Variants in FLT3 observed in about 807,000 individuals in gnomAD.
The protein encoded by FLT3 is fms related receptor tyrosine kinase 3.
In FLT3, 46 loss-of-function variants were observed where a neutral mutation model predicts 126.6. The observed-to-expected ratio is 0.36, with a 90% CI of 0.29 to 0.46. The LOEUF (loss-of-function observed/expected upper bound fraction) is 0.46. FLT3 is among the 20% of genes least tolerant of loss of function. FLT3 has a pLI of 1.00. For synonymous variants in FLT3, 404 were observed against 434.4 expected, an observed-to-expected ratio of 0.93 and a Z score of 0.87; for missense variants, 1,069 against 1,190.3, an observed-to-expected ratio of 0.90 and a Z score of 1.50.
intron 15 of FLT3, among the ~76,000 whole-genome samples, chr13:28,030,704 TA>T (rs894537587): frequency 4.9e-4 from 75 of 151,870 alleles, no homozygotes; most frequent in South Asian, 1.9e-3. Flanking sequence ...TGTCTCTACT[TA>T]AAAATAAAAT....
At chr13:28,048,157 A>G (rs1875071695) in intron 9 of FLT3, 118 bp downstream of exon 9, 1 of 744,838 alleles carries the variant, frequency 1.3e-6, no homozygotes, top group Non-Finnish European at 2.3e-6. Context: ...TTTCAACTCA[A>G]TAATAGTTAA....
chr13:28,056,589 G>A (rs1391939059), intron 4 of FLT3, among the ~76,000 whole-genome samples: 1 of 152,138 alleles, frequency 6.6e-6, no homozygotes, highest in African/African-American at 2.4e-5. Flanking sequence ...ACAAGGAGAA[G>A]CCAGAAAGCA....
At chr13:28,026,710 G>A (rs1872835680) in intron 17 of FLT3, among the ~76,000 whole-genome samples, 1 of 152,204 alleles carries the variant, frequency 6.6e-6, no homozygotes, top group Admixed American at 6.5e-5. Context: ...AATAGTCCCA[G>A]GACCCGAGCT....
intron 2 of FLT3, among the ~76,000 whole-genome samples, chr13:28,069,617 A>G (rs1179615836): frequency 6.6e-6 from 1 of 152,148 alleles, no homozygotes; most frequent in Non-Finnish European, 1.5e-5. Context: ...TGGGTTCCGC[A>G]TCCATGGATA....
rs1372018623 is a variant in FLT3 at position 28,050,084 on chromosome 13, T to C, written c.742+11A>G. On this transcript the variant is annotated intron_variant, in intron 6 of 23. Coordinates refer to ENST00000241453, the MANE Select transcript of FLT3 (RefSeq NM_004119.3). ...CACTGAAAATGAAAGTGCATGATAT[T>C]ATAGTGTTACCTATTGTGAACAGCC... is the stretch of plus-strand genomic sequence containing the variant. 1.2e-5 allele frequency: 19 copies of C among 1,613,802 alleles called. No homozygotes were observed. The highest frequency in any genetic ancestry group is 4.5e-5 in the East Asian group (2 of 44,872).
chr13:28,064,100 C>T (rs1876804294), intron 2 of FLT3, among the ~76,000 whole-genome samples: 1 of 151,936 alleles, frequency 6.6e-6, no homozygotes, highest in African/African-American at 2.4e-5. Flanking sequence ...AGCAAGACCC[C>T]GTCCCAAAAC....
chr13:28,042,116 A>T (rs923896019), intron 9 of FLT3, among the ~76,000 whole-genome samples: 10 of 150,358 alleles, frequency 6.7e-5, no homozygotes, highest in Non-Finnish European at 1.0e-4. Flanking sequence ...ATTGCACTCC[A>T]GCATGGGTGA....
chr13:28,098,567 T>C (rs1484770715), intron 1 of FLT3, among the ~76,000 whole-genome samples: 3 of 152,176 alleles, frequency 2.0e-5, no homozygotes, highest in Non-Finnish European at 4.4e-5. Context: ...TGACGGTATC[T>C]ACCAAACCTG....
chr13:28,052,754 C>G, intron 4 of FLT3, 80 bp from the exon 5 acceptor site: 1 of 1,031,800 alleles, frequency 9.7e-7, no homozygotes, highest in Non-Finnish European at 1.4e-6. Flanking sequence ...GATTCTATGT[C>G]ATTATGAAAA....
At chr13:28,067,878 C>T in intron 2 of FLT3, 1 of 391,750 alleles carries the variant, frequency 2.6e-6, no homozygotes, top group South Asian at 2.4e-5. Flanking sequence ...CAGGGTGGGA[C>T]ATGGCAAATA....
chr13:28,019,360 G>A (rs1227208138), intron 19 of FLT3, among the ~76,000 whole-genome samples: 1 of 152,158 alleles, frequency 6.6e-6, no homozygotes, highest in African/African-American at 2.4e-5. Flanking sequence ...AAATGAGTTT[G>A]GAGAGGTTTA....
rs143419998 is a variant in FLT3 at position 28,011,818 on chromosome 13, G to A, written c.2859+2634C>T. Among the ~76,000 whole-genome samples the A allele has an allele frequency of 5.0e-3, 716 of 142,514 alleles. 18 individuals carry two copies. In the East Asian group the frequency reaches 0.093, roughly 19 times the overall value. The allele number at this position is 142,514 out of a possible 152,430, so 93.5% of individuals were successfully genotyped here. ...CTTTTTCTTTCTTTTTCTTTTTTGA[G>A]ATAGAGTCTCACTGTGTCACCCAGG... On this transcript the variant is annotated intron_variant, in intron 23 of 23. Coordinates refer to ENST00000241453, the MANE Select transcript of FLT3 (RefSeq NM_004119.3).
chr13:28,024,421 C>T (rs760771722), intron 18 of FLT3, among the ~76,000 whole-genome samples: 4 of 152,184 alleles, frequency 2.6e-5, no homozygotes, highest in Admixed American at 6.5e-5. Flanking sequence ...TGAGCCACCA[C>T]GGCCAGCCCC....
intron 1 of FLT3, among the ~76,000 whole-genome samples, chr13:28,090,977 G>T (rs576381157): frequency 6.6e-6 from 1 of 152,036 alleles, no homozygotes; most frequent in South Asian, 2.1e-4. Context: ...TACTGGGATG[G>T]GGGTGGGGGT....
chr13:28,061,468 A>G lies in FLT3; in HGVS notation c.368+399T>C, dbSNP rs543487747. 2.0e-5 allele frequency among the ~76,000 whole-genome samples: 3 copies of G among 152,306 alleles called. No homozygotes were observed. The East Asian group carries it at 5.8e-4, about 29-fold the overall frequency. On this transcript the variant is annotated intron_variant, in intron 3 of 23. Transcript: ENST00000241453. ...CATTATTTCACTGAAGATAAGAGTT[A>G]CAAAAAACAGGCCGAGGCCAGGCGC...
intron 23 of FLT3, among the ~76,000 whole-genome samples, chr13:28,007,603 A>G (rs1022791593): frequency 1.3e-5 from 2 of 152,140 alleles, no homozygotes; most frequent in Non-Finnish European, 2.9e-5. Context: ...ATATTTGTAT[A>G]CTTTGTTGAT....
intron 5 of FLT3, 140 bp from the exon 6 acceptor site, chr13:28,050,362 C>T: frequency 1.3e-6 from 1 of 751,474 alleles, no homozygotes; most frequent in Non-Finnish European, 2.1e-6. Flanking sequence ...AAGCCCATAT[C>T]TATGGTTTCA....
rs1870613725 is a variant in FLT3 at position 28,003,426 on chromosome 13, CTGT to C, written c.*623_*625del. The C allele has an allele frequency of 4.3e-6, 1 of 234,032 alleles. No individual in the cohort carries two copies. Among genetic ancestry groups the C allele is most frequent in the East Asian group, 6.0e-5 (1 of 16,576 alleles). The allele number at this position is 234,032 out of a possible 1,614,324, so 14.5% of individuals were successfully genotyped here. A position where few individuals can be genotyped will look rare whatever the true frequency, so the allele number is the denominator to read the frequency against. ...TTATAAACTTCCCCCAATACAACCCCTGTTGTTGCAGAAATCTTAGGCTGTGAC... is the reference window on the plus strand; with the variant it reads ...TTATAAACTTCCCCCAATACAACCCCTGTTGCAGAAATCTTAGGCTGTGAC... On this transcript the variant is annotated 3_prime_UTR_variant, in exon 24 of 24. Coordinates refer to ENST00000241453, the MANE Select transcript of FLT3 (RefSeq NM_004119.3).
chr13:28,067,879 A>G, intron 2 of FLT3: 2 of 394,256 alleles, frequency 5.1e-6, no homozygotes, highest in Admixed American at 2.9e-5. Context: ...AGGGTGGGAC[A>G]TGGCAAATAA....
Sources: gnomAD v4.1 joint callset for allele counts (sites outside exome capture counted in the v4.1 genomes callset) on GRCh38, gnomAD v4.1.1 for gene constraint, MANE v1.5 for transcripts, NCBI Gene and HGNC (gene_info 2026-07-23, HGNC 2026-07-21) for gene names.